Variants in PADI3 observed in about 807,000 individuals in gnomAD.
The protein encoded by PADI3 is protein-arginine deiminase type-3.
A neutral mutation model predicts 71.5 loss-of-function variants in PADI3; 53 were observed. That is an observed-to-expected ratio of 0.74 (90% CI 0.59 to 0.93). PADI3 has a LOEUF of 0.93. Ranked by LOEUF, PADI3 falls within the 40% of genes least tolerant of loss-of-function variation. The pLI, the probability that PADI3 is intolerant of heterozygous loss-of-function variation, is 0.00. For synonymous variants in PADI3, 361 were observed against 347.5 expected (o/e 1.04, Z -0.43); for missense variants, 821 against 868.0 (o/e 0.95, Z 0.68).
At chr1:17,267,791 G>A in intron 5 of PADI3, 46 bp from the exon 6 acceptor site, 3 of 1,604,104 alleles carry the variant, frequency 1.9e-6, no homozygotes, top group East Asian at 2.2e-5. Flanking sequence ...AAGGGGCCAG[G>A]GGCCAGGACT....
chr1:17,265,734 C>A lies in PADI3; in HGVS notation c.408+14C>A, dbSNP rs755486138. The A allele has an allele frequency of 8.7e-6, 14 of 1,613,072 alleles. No individual in the cohort carries two copies. In the African/African-American group the frequency reaches 1.9e-4, roughly 22 times the overall value. On this transcript the variant is annotated intron_variant, in intron 4 of 15. Transcript: ENST00000375460. The stretch of plus-strand genomic sequence containing the variant: ...TTTGTAGACAAGGTAAGCATCTCTG[C>A]CTGGGCCCAGGAAGCAGGAGTGCAG...
intron 11 of PADI3, among the ~76,000 whole-genome samples, chr1:17,275,666 T>C (rs935451427): frequency 7.9e-5 from 12 of 152,200 alleles, no homozygotes; most frequent in Non-Finnish European, 1.8e-4. Flanking sequence ...ACAGGGGTGC[T>C]GATGGAAAAG....
intron 11 of PADI3, among the ~76,000 whole-genome samples, chr1:17,275,981 G>A (rs2073325222): frequency 6.6e-6 from 1 of 152,080 alleles, no homozygotes; most frequent in Non-Finnish European, 1.5e-5. Context: ...CATTGCCCTG[G>A]TGTGACTGAC....
Position 17,274,707 on chromosome 1 carries a change from C to T in PADI3, c.1228C>T (p.Leu410=). ...GAGTGGCCTGGACTCCTTTGGGAAC[C>T]TGGAGGTCAGCCCTCCAGTGGTGGC... is the stretch of plus-strand genomic sequence containing the variant. ...SVSGLDSFGN[L]EVSPPVVANG... The change falls in exon 11 of 16, where the codon CTG becomes TTG. Residue 410 remains leucine, a synonymous_variant. Coordinates refer to ENST00000375460, the MANE Select transcript of PADI3 (RefSeq NM_016233.2). 1.9e-6 allele frequency: 3 copies of T among 1,613,908 alleles called. No homozygotes were observed. Among genetic ancestry groups the T allele is most frequent in the Non-Finnish European group, 2.5e-6 (3 of 1,179,900 alleles).
intron 1 of PADI3, among the ~76,000 whole-genome samples, chr1:17,254,968 G>A (rs760155839): frequency 2.0e-5 from 3 of 151,896 alleles, no homozygotes; most frequent in African/African-American, 4.8e-5. Context: ...CACCCTCCTC[G>A]GCCTCCCAAA....
chr1:17,259,091 A>G (rs2073065725), intron 1 of PADI3, among the ~76,000 whole-genome samples: 1 of 152,192 alleles, frequency 6.6e-6, no homozygotes, highest in Non-Finnish European at 1.5e-5. Context: ...TTGTTTTGAA[A>G]CAGGGTCTTG....
At chr1:17,255,834 C>T (rs760266906) in intron 1 of PADI3, among the ~76,000 whole-genome samples, 36 of 152,144 alleles carry the variant, frequency 2.4e-4, no homozygotes, top group Non-Finnish European at 4.1e-4. Flanking sequence ...GTCGATGCTG[C>T]GGCTGAGGGA....
chr1:17,280,742 C>A lies in PADI3; in HGVS notation c.1707C>A (p.Ile569=). The change falls in exon 15 of 16, where the codon ATC becomes ATA. Residue 569 remains isoleucine, a synonymous_variant. Transcript: ENST00000375460. ...LGLAECDIID[I]PQLFKTERKK... is the part of the protein sequence containing the mutation. The stretch of plus-strand genomic sequence containing the variant: ...TGGCAGAGTGTGACATCATTGACAT[C>A]CCACAGCTCTTCAAGACCGAGAGGA... The A allele has an allele frequency of 6.2e-7, 1 of 1,614,156 alleles. No individual in the cohort carries two copies. Among genetic ancestry groups the A allele is most frequent in the East Asian group, 2.2e-5 (1 of 44,880 alleles).
At chr1:17,261,403 C>A (rs1055880114) in intron 2 of PADI3, among the ~76,000 whole-genome samples, 1 of 152,162 alleles carries the variant, frequency 6.6e-6, no homozygotes, top group Non-Finnish European at 1.5e-5. Context: ...TTATTATCCC[C>A]ACTTTACAGT....
Position 17,283,077 on chromosome 1 carries a change from T to C in PADI3, c.1993T>C (p.Ter665ArgextTer40), listed in dbSNP as rs1379917200. Residue 665 changes from the stop codon to arginine, a stop_lost, in exon 16 of 16, where the codon TGA (stop) becomes CGA (arginine). Coordinates refer to ENST00000375460, the MANE Select transcript of PADI3 (RefSeq NM_016233.2). ...TTTCAAGTGGTGGAACATGGTGCCC[T>C]GAGACAGCTCCCACCCACCATCCTG... Reference protein sequence around the residue: ...FSFKWWNMVP* With the variant: ...FSFKWWNMVPR 7.4e-6 allele frequency: 12 copies of C among 1,612,470 alleles called. No homozygotes were observed. The highest frequency in any genetic ancestry group is 1.0e-5 in the Non-Finnish European group (12 of 1,178,612).
At chr1:17,259,350 C>T (rs559580321) in intron 1 of PADI3, among the ~76,000 whole-genome samples, 2 of 152,290 alleles carry the variant, frequency 1.3e-5, no homozygotes, top group South Asian at 2.1e-4. Context: ...CCATCCGCCT[C>T]GGCTTCCCAA....
At position 17,270,335 on chromosome 1, in the gene PADI3, A is replaced by AAG. The variant is rs1557507833; in HGVS notation, c.756_757dup (p.Gly253GlufsTer47). The AAG allele has an allele frequency of 6.2e-7, 1 of 1,613,942 alleles. No homozygotes were observed. The stretch of plus-strand genomic sequence containing the variant: ...GGGGATGAGGAGCGCTTCTTCGTGG[A>AAG]AGGCCTGTCCTTCCCTGATGCCGGC... On this transcript the variant is annotated frameshift_variant, in exon 7 of 16. Transcript: ENST00000375460. LOFTEE classifies it high-confidence loss of function.
intron 13 of PADI3, among the ~76,000 whole-genome samples, chr1:17,277,344 G>A (rs1439651983): frequency 1.3e-5 from 2 of 152,208 alleles, no homozygotes; most frequent in East Asian, 1.9e-4. Flanking sequence ...ACAGGCATGC[G>A]CCACCACGCC....
intron 6 of PADI3, among the ~76,000 whole-genome samples, chr1:17,269,230 A>C (rs540995192): frequency 6.6e-6 from 1 of 152,186 alleles, no homozygotes; most frequent in Non-Finnish European, 1.5e-5. Context: ...GTGCTTCCCA[A>C]CTTTATTCTA....
At chr1:17,271,542 C>G (rs906179684) in intron 9 of PADI3, among the ~76,000 whole-genome samples, 1 of 152,084 alleles carries the variant, frequency 6.6e-6, no homozygotes, top group African/African-American at 2.4e-5. Context: ...AGGACAAGCC[C>G]CCACAATAAC....
chr1:17,276,370 T>C lies in PADI3; in HGVS notation c.1308-149T>C, dbSNP rs1194761893. On this transcript the variant is annotated intron_variant, in intron 11 of 15. Coordinates refer to ENST00000375460, the MANE Select transcript of PADI3 (RefSeq NM_016233.2). Reference sequence around the variant, plus strand: ...ATAAATAAATAAAATGAAATATACATATTTATTACTTTCCTGTTTATAAAA... The same window carrying C: ...ATAAATAAATAAAATGAAATATACACATTTATTACTTTCCTGTTTATAAAA... 5 of 698,378 alleles carry C rather than the reference T, an allele frequency of 7.2e-6. No homozygotes were observed. The African/African-American group carries it at 7.3e-5, about 10-fold the overall frequency. The allele number at this position is 698,378 out of a possible 1,614,324, so 43.3% of individuals were successfully genotyped here. A position where few individuals can be genotyped will look rare whatever the true frequency, so the allele number is the denominator to read the frequency against.
rs1212633819 is a variant in PADI3 at position 17,281,903 on chromosome 1, A to G, written c.1762-943A>G. Among the ~76,000 whole-genome samples the G allele has an allele frequency of 2.0e-5, 3 of 152,174 alleles. No homozygotes were observed. In the East Asian group the frequency reaches 5.8e-4, roughly 29 times the overall value. On this transcript the variant is annotated intron_variant, in intron 15 of 15. Coordinates refer to ENST00000375460, the MANE Select transcript of PADI3 (RefSeq NM_016233.2). ...GGTGCTGATGCTGCCTTTTAGAGGA[A>G]CACAGTTTGAGTAGCACTGCTATAG... is the stretch of plus-strand genomic sequence containing the variant.
chr1:17,266,466 T>C (rs2073169743), intron 4 of PADI3, among the ~76,000 whole-genome samples: 1 of 152,172 alleles, frequency 6.6e-6, no homozygotes, highest in South Asian at 2.1e-4. Context: ...TATAATCAGG[T>C]TGCCTATTGA....
chr1:17,253,989 T>G (rs1286520810), intron 1 of PADI3, among the ~76,000 whole-genome samples: 1 of 152,168 alleles, frequency 6.6e-6, no homozygotes, highest in Non-Finnish European at 1.5e-5. Flanking sequence ...CAACATCGGA[T>G]TTTGTTTGAT....
Sources: allele counts gnomAD v4.1 joint callset (sites outside exome capture counted in the v4.1 genomes callset), GRCh38; gene constraint gnomAD v4.1.1; transcripts MANE v1.5; gene names NCBI Gene and HGNC (gene_info 2026-07-23, HGNC 2026-07-21).